The following PTPRT variants were observed in gnomAD, a reference collection of about 807,000 sequenced individuals.
PTPRT encodes the protein protein tyrosine phosphatase receptor type T, also known as receptor-type tyrosine-protein phosphatase T.
In PTPRT, 56 loss-of-function variants were observed where a neutral mutation model predicts 176.8. The observed-to-expected ratio is 0.32, with a 90% confidence interval of 0.26 to 0.40. The LOEUF (loss-of-function observed/expected upper bound fraction) is 0.40. Ranked by LOEUF, PTPRT falls within the 10% of genes least tolerant of loss-of-function variation. The probability of loss-of-function intolerance (pLI) is 1.00; values close to 1 mark genes in which losing one functional copy is unlikely to be tolerated. For missense variants in PTPRT, 1,540 were observed against 1,908.2 expected, an observed-to-expected ratio of 0.81 and a Z score of 3.60; for synonymous variants, 783 against 739.0, an observed-to-expected ratio of 1.06 and a Z score of -0.96.
At chr20:42,108,438 ATGT>A (rs1986687897) in intron 23 of PTPRT, among the ~76,000 whole-genome samples, 1 of 152,090 alleles carries the variant, frequency 6.6e-6, no homozygotes, top group African/African-American at 2.4e-5. Flanking sequence ...CTATAAAATG[ATGT>A]TGATAATAAT....
At chr20:42,166,166 C>A (rs1471443955) in intron 16 of PTPRT, among the ~76,000 whole-genome samples, 1 of 152,162 alleles carries the variant, frequency 6.6e-6, no homozygotes, top group Non-Finnish European at 1.5e-5. Context: ...TGCACACAGA[C>A]TTATCCAGAG....
intron 1 of PTPRT, among the ~76,000 whole-genome samples, chr20:43,023,337 G>T (rs1985778741): frequency 6.6e-6 from 1 of 152,302 alleles, no homozygotes; most frequent in Non-Finnish European, 1.5e-5. Context: ...TCAACTGCAT[G>T]CTCATGCTGT....
intron 2 of PTPRT, among the ~76,000 whole-genome samples, chr20:42,802,935 T>C (rs1174574151): frequency 2.0e-5 from 3 of 152,242 alleles, no homozygotes; most frequent in Non-Finnish European, 4.4e-5. Flanking sequence ...CTAGGCTTGT[T>C]ACGTGAATTA....
At chr20:42,384,599 C>T (rs1368561668) in intron 9 of PTPRT, among the ~76,000 whole-genome samples, 5 of 152,098 alleles carry the variant, frequency 3.3e-5, no homozygotes, top group East Asian at 1.9e-4. Flanking sequence ...GAGATTCTAA[C>T]TTCAATTCTT....
At chr20:42,721,270 A>C (rs1263966535) in intron 6 of PTPRT, among the ~76,000 whole-genome samples, 1 of 152,224 alleles carries the variant, frequency 6.6e-6, no homozygotes, top group Admixed American at 6.5e-5. Context: ...TAAAGGCAGC[A>C]GGGAGCCCCT....
chr20:42,953,410 T>A (rs1294671220), intron 1 of PTPRT, among the ~76,000 whole-genome samples: 2 of 152,112 alleles, frequency 1.3e-5, no homozygotes, highest in Non-Finnish European at 2.9e-5. Context: ...GATCTAACTA[T>A]CTCCAAGTGC....
intron 1 of PTPRT, among the ~76,000 whole-genome samples, chr20:42,983,151 C>T (rs1983375161): frequency 1.3e-5 from 2 of 152,208 alleles, no homozygotes; most frequent in African/African-American, 4.8e-5. Flanking sequence ...TTTGTGTGCA[C>T]ATCCTTTGTG....
At chr20:42,831,893 T>C (rs2078095520) in intron 2 of PTPRT, among the ~76,000 whole-genome samples, 1 of 152,152 alleles carries the variant, frequency 6.6e-6, no homozygotes, top group Admixed American at 6.5e-5. Context: ...GCTGGCAAGG[T>C]TGCAGAGAAA....
chr20:43,032,050 G>A (rs139714174), intron 1 of PTPRT, among the ~76,000 whole-genome samples: 4 of 152,266 alleles, frequency 2.6e-5, no homozygotes, highest in East Asian at 1.9e-4. Flanking sequence ...CAGGCACCAC[G>A]CATGACTATG....
chr20:43,109,524 T>C (rs998321324), intron 1 of PTPRT, among the ~76,000 whole-genome samples: 10 of 152,116 alleles, frequency 6.6e-5, no homozygotes, highest in Non-Finnish European at 1.2e-4. Flanking sequence ...TTTTTTTCAT[T>C]TTTTACATCT....
At chr20:42,087,903 A>G (rs1056773806) in intron 27 of PTPRT, among the ~76,000 whole-genome samples, 2 of 150,036 alleles carry the variant, frequency 1.3e-5, no homozygotes, top group Admixed American at 1.3e-4. Context: ...AAATAGAAGA[A>G]GAAGAAGAGA....
chr20:42,634,136 A>C (rs1378400111), intron 7 of PTPRT, among the ~76,000 whole-genome samples: 1 of 100,308 alleles, frequency 1.0e-5, no homozygotes, highest in African/African-American at 3.8e-5. Flanking sequence ...ATATATAATT[A>C]TATATAATAT....
At chr20:42,780,174 C>T (rs1399649022) in intron 4 of PTPRT, 44 bp downstream of exon 4, 3 of 1,481,818 alleles carry the variant, frequency 2.0e-6, no homozygotes, top group Non-Finnish European at 2.8e-6. Flanking sequence ...GCTACCCAGT[C>T]TGGCATGGAT....
intron 1 of PTPRT, among the ~76,000 whole-genome samples, chr20:43,076,101 T>C (rs373879866): frequency 3.9e-5 from 6 of 152,188 alleles, no homozygotes; most frequent in African/African-American, 1.2e-4. Flanking sequence ...ATAATAATTA[T>C]TGGTTTGGGA....
chr20:42,251,561 T>TA (rs1012971284), intron 13 of PTPRT, among the ~76,000 whole-genome samples: 13 of 151,030 alleles, frequency 8.6e-5, no homozygotes, highest in African/African-American at 9.7e-5. Context: ...CTTGCATAAT[T>TA]AAAAAAAATG....
chr20:42,099,546 C>CGGGGGGGGG (rs59137378), intron 26 of PTPRT, among the ~76,000 whole-genome samples: 7 of 28,904 alleles, frequency 2.4e-4, no homozygotes, highest in African/African-American at 7.8e-4. Context: ...ATGGCCTGGG[C>CGGGGGGGGG]GGGGGGGGGG....
intron 7 of PTPRT, among the ~76,000 whole-genome samples, chr20:42,563,371 G>A (rs2072984365): frequency 6.6e-6 from 1 of 152,124 alleles, no homozygotes; most frequent in Non-Finnish European, 1.5e-5. Context: ...TCAGACAATT[G>A]ATGGTTTTGG....
rs1763703726 is a variant in PTPRT, at chr20:42,081,016, T to C, written c.4273-84A>G. The C allele has an allele frequency of 2.6e-6, 3 of 1,173,376 alleles. No homozygotes were observed. In the Admixed American group the frequency reaches 5.7e-5, roughly 22 times the overall value. The allele number at this position is 1,173,376 out of a possible 1,614,324, so 72.7% of individuals were successfully genotyped here. On this transcript the variant is annotated intron_variant, in intron 30 of 30. Coordinates refer to ENST00000373187, the MANE Select transcript of PTPRT (RefSeq NM_007050.6). ...AAGGAAAGGGAAAATGCATTTAGTT[T>C]AGAGATACAGATTTTGGAGAAAACT... is the stretch of plus-strand genomic sequence containing the variant.
Position 42,864,069 on chromosome 20 carries a change from T to C in PTPRT, c.214+21738A>G, listed in dbSNP as rs573300675. Among the ~76,000 whole-genome samples, 494 of 152,302 alleles carry C rather than the reference T, an allele frequency of 3.2e-3. 1 individual carries two copies. Among genetic ancestry groups the C allele is most frequent in the Non-Finnish European group, 5.8e-3 (397 of 68,020 alleles). ...TTTCTGCAAACTGAGGTCCCCTCTCTCAATCAAGTGATGGCTCTCCTCTAT... is the reference window on the plus strand; with the variant it reads ...TTTCTGCAAACTGAGGTCCCCTCTCCCAATCAAGTGATGGCTCTCCTCTAT... On this transcript the variant is annotated intron_variant, in intron 2 of 30. Coordinates refer to ENST00000373187, the MANE Select transcript of PTPRT (RefSeq NM_007050.6).
Sources: gnomAD v4.1 joint callset for allele counts (sites outside exome capture counted in the v4.1 genomes callset) on GRCh38, gnomAD v4.1.1 for gene constraint, MANE v1.5 for transcripts, NCBI Gene and HGNC (gene_info 2026-07-23, HGNC 2026-07-21) for gene names.